CNTNAP2: variants seen among roughly 807,000 people sequenced by gnomAD.
CNTNAP2 encodes contactin-associated protein-like 2.
CNTNAP2 carries 98 observed loss-of-function variants against 155.2 expected under a neutral mutation model. The observed-to-expected ratio is 0.63, with a 90% confidence interval of 0.54 to 0.75. The LOEUF is 0.75. Among genes scored for constraint, CNTNAP2 ranks in the 30% least tolerant of loss-of-function variants. The pLI is 0.00. For synonymous variants in CNTNAP2, 651 were observed against 631.2 expected (o/e 1.03, Z -0.47); for missense variants, 1,727 against 1,688.1 (o/e 1.02, Z -0.40).
chr7:147,593,245 T>G (rs1169431524), intron 12 of CNTNAP2, among the ~76,000 whole-genome samples: 5 of 149,944 alleles, frequency 3.3e-5, no homozygotes, highest in Non-Finnish European at 7.4e-5. Flanking sequence ...ATTATCCCTT[T>G]GGCCAAATAG....
chr7:147,134,151 G>C lies in CNTNAP2; in HGVS notation c.1348+1642G>C, dbSNP rs147613036. Among the ~76,000 whole-genome samples, 564 of 152,014 alleles carry C rather than the reference G, an allele frequency of 3.7e-3. 5 individuals carry two copies. The highest frequency in any genetic ancestry group is 0.013 in the African/African-American group (536 of 41,492). Reference sequence around the variant, plus strand: ...CTGAGCAAATCCGATTTGCTGGTGGGTTTCCATGTAACAGGAGCCAATATA... The same window carrying C: ...CTGAGCAAATCCGATTTGCTGGTGGCTTTCCATGTAACAGGAGCCAATATA... On this transcript the variant is annotated intron_variant, in intron 8 of 23. Transcript: ENST00000361727.
chr7:147,836,610 G>T (rs1005999956), intron 13 of CNTNAP2, among the ~76,000 whole-genome samples: 27 of 152,128 alleles, frequency 1.8e-4, no homozygotes, highest in African/African-American at 6.3e-4. Context: ...CATGATCATT[G>T]TTTGTAATTT....
At chr7:147,108,709 T>A (rs1412583755) in intron 5 of CNTNAP2, among the ~76,000 whole-genome samples, 2 of 152,144 alleles carry the variant, frequency 1.3e-5, no homozygotes, top group Admixed American at 1.3e-4. Context: ...TAATATATAT[T>A]ATGAACCAGT....
chr7:147,416,931 A>G (rs1467286869), intron 10 of CNTNAP2, among the ~76,000 whole-genome samples: 5 of 152,080 alleles, frequency 3.3e-5, no homozygotes, highest in African/African-American at 4.8e-5. Flanking sequence ...TCTACTAAAA[A>G]TACAAAAATT....
chr7:147,130,400 C>T (rs1320461483), intron 7 of CNTNAP2, among the ~76,000 whole-genome samples: 2 of 151,844 alleles, frequency 1.3e-5, no homozygotes, highest in African/African-American at 2.4e-5. Context: ...TGCAGTGAGC[C>T]ATGATTGAAC....
chr7:146,221,458 T>C (rs1046985260), intron 1 of CNTNAP2, among the ~76,000 whole-genome samples: 3 of 152,210 alleles, frequency 2.0e-5, no homozygotes, highest in African/African-American at 7.2e-5. Flanking sequence ...GATATACATA[T>C]CCACTGCTTC....
intron 9 of CNTNAP2, among the ~76,000 whole-genome samples, chr7:147,337,810 C>G (rs748208121): frequency 6.6e-6 from 1 of 152,102 alleles, no homozygotes; most frequent in Admixed American, 6.6e-5. Flanking sequence ...AGGGTGGCTC[C>G]AATTAGTATC....
chr7:148,009,023 T>G (rs1802025605), intron 15 of CNTNAP2, among the ~76,000 whole-genome samples: 1 of 152,224 alleles, frequency 6.6e-6, no homozygotes, highest in African/African-American at 2.4e-5. Flanking sequence ...TCACTGATCA[T>G]GATGCACATC....
chr7:146,981,353 A>G (rs1798013141), intron 3 of CNTNAP2, among the ~76,000 whole-genome samples: 1 of 152,214 alleles, frequency 6.6e-6, no homozygotes, highest in African/African-American at 2.4e-5. Context: ...ACAGTAGAAA[A>G]CAAGTACATG....
intron 1 of CNTNAP2, among the ~76,000 whole-genome samples, chr7:146,704,115 A>G (rs1800922997): frequency 1.3e-5 from 2 of 152,178 alleles, no homozygotes; most frequent in Admixed American, 1.3e-4. Context: ...GTCAAATAGT[A>G]AATACATTTT....
chr7:146,486,961 A>G (rs1797067662), intron 1 of CNTNAP2, among the ~76,000 whole-genome samples: 1 of 152,202 alleles, frequency 6.6e-6, no homozygotes, highest in Non-Finnish European at 1.5e-5. Flanking sequence ...ACTTGAATTT[A>G]ACACAATTTT....
chr7:147,487,074 T>C (rs1798522830), intron 11 of CNTNAP2, among the ~76,000 whole-genome samples: 1 of 152,338 alleles, frequency 6.6e-6, no homozygotes, highest in East Asian at 1.9e-4. Flanking sequence ...GAGCCCTGTG[T>C]ACAGTAAAAA....
At chr7:148,142,567 C>T (rs1025976363) in intron 16 of CNTNAP2, among the ~76,000 whole-genome samples, 5 of 152,154 alleles carry the variant, frequency 3.3e-5, no homozygotes, top group Non-Finnish European at 5.9e-5. Context: ...ATGGAAAAAA[C>T]GTATCATTAC....
At chr7:147,934,352 TCTTA>T (rs1487142736) in intron 14 of CNTNAP2, among the ~76,000 whole-genome samples, 12 of 152,282 alleles carry the variant, frequency 7.9e-5, no homozygotes, top group African/African-American at 2.6e-4. Context: ...GCAAGTCAAG[TCTTA>T]CTTGGATGGC....
At chr7:147,899,394 G>T (rs941126495) in intron 13 of CNTNAP2, among the ~76,000 whole-genome samples, 7 of 152,068 alleles carry the variant, frequency 4.6e-5, no homozygotes, top group African/African-American at 1.7e-4. Context: ...GAGGTCACCA[G>T]GGGCTGGGAA....
chr7:148,091,505 A>G (rs998285685), intron 15 of CNTNAP2, among the ~76,000 whole-genome samples: 5 of 152,224 alleles, frequency 3.3e-5, no homozygotes, highest in Non-Finnish European at 7.3e-5. Flanking sequence ...TGGTCCAGAG[A>G]AGGCGATGCA....
rs1800036283 is a variant in CNTNAP2, at chr7:148,418,138, G to C, written c.*2522G>C. 1 of 152,144 alleles carries C rather than the reference G, an allele frequency of 6.6e-6. No homozygotes were observed. The highest frequency in any genetic ancestry group is 2.1e-4 in the South Asian group (1 of 4,830). The allele number at this position is 152,144 out of a possible 1,614,324, so 9.4% of individuals were successfully genotyped here. On this transcript the variant is annotated 3_prime_UTR_variant, in exon 24 of 24. Coordinates refer to ENST00000361727, the MANE Select transcript of CNTNAP2 (RefSeq NM_014141.6). ...ATGCTGGAAATCTTGACCTCTCCTTGGGATTATGGGTGTAACAAAAATCCC... is the reference window on the plus strand; with the variant it reads ...ATGCTGGAAATCTTGACCTCTCCTTCGGATTATGGGTGTAACAAAAATCCC...
At chr7:147,995,511 G>T (rs1157363624) in intron 15 of CNTNAP2, among the ~76,000 whole-genome samples, 1 of 148,738 alleles carries the variant, frequency 6.7e-6, no homozygotes, top group Non-Finnish European at 1.5e-5. Flanking sequence ...GCTTTGTCCT[G>T]CCTCTTCTAA....
intron 1 of CNTNAP2, among the ~76,000 whole-genome samples, chr7:146,559,150 C>CT (rs1463647670): frequency 6.6e-6 from 1 of 151,956 alleles, no homozygotes; most frequent in Non-Finnish European, 1.5e-5. Flanking sequence ...TTCAAAATAA[C>CT]TAAGAGAGTA....
Sources: allele counts gnomAD v4.1 joint callset (sites outside exome capture counted in the v4.1 genomes callset), GRCh38; gene constraint gnomAD v4.1.1; transcripts MANE v1.5; gene names NCBI Gene and HGNC (gene_info 2026-07-23, HGNC 2026-07-21).